The following ZNF292 variants were observed in gnomAD, a reference collection of about 807,000 sequenced individuals.
ZNF292 encodes 16 zinc-finger domain protein.
ZNF292 carries 26 observed loss-of-function variants against 217.9 expected under a neutral mutation model. That is an observed-to-expected ratio of 0.12 (90% CI 0.09 to 0.17). The LOEUF (loss-of-function observed/expected upper bound fraction) is 0.17, where lower values mean the gene tolerates loss of function less well. Ranked by LOEUF, ZNF292 falls within the 10% of genes least tolerant of loss-of-function variation. The pLI is 1.00. For missense variants in ZNF292, 2,904 were observed against 3,175.2 expected (o/e 0.91, Z 2.05); for synonymous variants, 1,257 against 1,124.1 (o/e 1.12, Z -2.37).
At chr6:87,208,082 A>T (rs773137289) in intron 1 of ZNF292, among the ~76,000 whole-genome samples, 74 of 152,212 alleles carry the variant, frequency 4.9e-4, no homozygotes, top group Non-Finnish European at 9.0e-4. Flanking sequence ...CGTTGGATAT[A>T]AATAGTTTCC....
chr6:87,222,037 A>G (rs527305274), intron 4 of ZNF292, among the ~76,000 whole-genome samples: 2 of 152,244 alleles, frequency 1.3e-5, no homozygotes, highest in East Asian at 1.9e-4. Flanking sequence ...ACGTTTGTAT[A>G]CTTTTTCTTT....
intron 1 of ZNF292, among the ~76,000 whole-genome samples, chr6:87,212,672 T>A (rs1772552246): frequency 6.6e-6 from 1 of 152,228 alleles, no homozygotes; most frequent in Non-Finnish European, 1.5e-5. Flanking sequence ...TCCCTTTTGA[T>A]TGAATGGTTG....
chr6:87,193,604 C>T (rs1771878656), intron 1 of ZNF292, among the ~76,000 whole-genome samples: 1 of 152,054 alleles, frequency 6.6e-6, no homozygotes, highest in Admixed American at 6.6e-5. Context: ...AAAAAACAAC[C>T]TGCGCCCTTC....
At chr6:87,235,759 C>G (rs561093002) in intron 5 of ZNF292, among the ~76,000 whole-genome samples, 10 of 152,076 alleles carry the variant, frequency 6.6e-5, no homozygotes, top group African/African-American at 1.9e-4. Context: ...CCCTCCCCCC[C>G]ACTTCTCATG....
chr6:87,163,077 C>T (rs1201488414), intron 1 of ZNF292, among the ~76,000 whole-genome samples: 1 of 152,120 alleles, frequency 6.6e-6, no homozygotes, highest in African/African-American at 2.4e-5. Flanking sequence ...GTTACCTTTT[C>T]CCCCTTGACT....
intron 1 of ZNF292, among the ~76,000 whole-genome samples, chr6:87,184,470 C>CTTT (rs35294887): frequency 0.07 from 8,067 of 114,958 alleles, 472 homozygotes; most frequent in African/African-American, 0.16. Context: ...TTACCATAGG[C>CTTT]TTTTTTTTTT....
At chr6:87,187,907 A>G (rs545008469) in intron 1 of ZNF292, among the ~76,000 whole-genome samples, 8 of 152,008 alleles carry the variant, frequency 5.3e-5, no homozygotes, top group Non-Finnish European at 1.2e-4. Flanking sequence ...GAGAGCTCTT[A>G]CCCTAATTCA....
At position 87,264,666 on chromosome 6, in the gene ZNF292, A is replaced by T. The variant is rs1775756193; in HGVS notation, c.*2865A>T. Among the ~76,000 whole-genome samples the T allele has an allele frequency of 6.6e-6, 1 of 152,206 alleles. No individual in the cohort carries two copies. The highest frequency in any genetic ancestry group is 2.1e-4 in the South Asian group (1 of 4,832). ...GGTAGAGCGTAATTGCGGTATTGCC[A>T]GTGGGCCACTTGGAAAGATAGGAAG... On this transcript the variant is annotated 3_prime_UTR_variant, in exon 8 of 8. Transcript: ENST00000369577.
chr6:87,255,675 T>C lies in ZNF292; in HGVS notation c.2046T>C (p.Asn682=). 6.2e-7 allele frequency: 1 copy of C among 1,613,420 alleles called. No homozygotes were observed. Among genetic ancestry groups the C allele is most frequent in the Non-Finnish European group, 8.5e-7 (1 of 1,179,648 alleles). Residue 682 remains asparagine (N), a synonymous_variant, in exon 8 of 8, where the codon AAT becomes AAC. Transcript: ENST00000369577. The stretch of plus-strand genomic sequence containing the variant: ...AACCAGTACCTGTTAATGAATTTAA[T>C]TGCCCTGTAACTTTTTGTAAAAAGG... ...VQKPVPVNEF[N]CPVTFCKKGF... is the part of the protein sequence containing the mutation.
At chr6:87,238,573 A>G (rs1358766160) in intron 5 of ZNF292, among the ~76,000 whole-genome samples, 3 of 150,532 alleles carry the variant, frequency 2.0e-5, no homozygotes, top group Non-Finnish European at 4.4e-5. Context: ...ATTTGGTACC[A>G]TATGAGCACT....
chr6:87,229,972 T>C (rs73754124), intron 4 of ZNF292, among the ~76,000 whole-genome samples: 1,666 of 151,808 alleles, frequency 0.011, 35 homozygotes, highest in African/African-American at 0.037. Context: ...CTGGGTTGGG[T>C]TGGGTTGGGG....
intron 1 of ZNF292, among the ~76,000 whole-genome samples, chr6:87,211,965 C>G (rs1772506885): frequency 6.6e-6 from 1 of 152,002 alleles, no homozygotes. Context: ...TAACAAAAAC[C>G]ATTGGTTTAA....
At chr6:87,203,343 G>T (rs909083452) in intron 1 of ZNF292, among the ~76,000 whole-genome samples, 1 of 151,422 alleles carries the variant, frequency 6.6e-6, no homozygotes. Context: ...GGGTTTTGCC[G>T]TGTTGCCCAT....
chr6:87,244,572 T>C (rs577456304), intron 6 of ZNF292, among the ~76,000 whole-genome samples: 2 of 152,266 alleles, frequency 1.3e-5, no homozygotes, highest in African/African-American at 2.4e-5. Flanking sequence ...AGATAAGCAG[T>C]TGTGAGTTGA....
Position 87,259,173 on chromosome 6 carries a change from A to G in ZNF292, c.5544A>G (p.Lys1848=), listed in dbSNP as rs900726188. 4 of 1,613,444 alleles carry G rather than the reference A, an allele frequency of 2.5e-6. No individual in the cohort carries two copies. Among genetic ancestry groups the G allele is most frequent in the Non-Finnish European group, 3.4e-6 (4 of 1,179,704 alleles). Residue 1848 remains lysine (K), a synonymous_variant, in exon 8 of 8, where the codon AAA becomes AAG. Transcript: ENST00000369577. Reference sequence around the variant, plus strand: ...TTTTAGAAGGCTTACAGAAATTAAAATTAGAAAATGACCTATCCACTCCAG... The same window carrying G: ...TTTTAGAAGGCTTACAGAAATTAAAGTTAGAAAATGACCTATCCACTCCAG... ...QEILEGLQKL[K]LENDLSTPAS...
chr6:87,199,369 TTATG>T (rs759563068), intron 1 of ZNF292, among the ~76,000 whole-genome samples: 8 of 152,254 alleles, frequency 5.3e-5, no homozygotes, highest in Admixed American at 1.3e-4. Flanking sequence ...TAGTAGTTCT[TTATG>T]TATTCTGGAT....
chr6:87,253,236 T>C (rs914088729), intron 7 of ZNF292, among the ~76,000 whole-genome samples: 1 of 149,194 alleles, frequency 6.7e-6, no homozygotes, highest in Non-Finnish European at 1.5e-5. Context: ...TTTTTTTTTT[T>C]TTTTTTGAGA....
chr6:87,198,515 T>G (rs1460430307), intron 1 of ZNF292, among the ~76,000 whole-genome samples: 1 of 152,240 alleles, frequency 6.6e-6, no homozygotes, highest in African/African-American at 2.4e-5. Context: ...ATTGCATGTT[T>G]ATGTGTTCCA....
intron 4 of ZNF292, among the ~76,000 whole-genome samples, chr6:87,229,783 G>A (rs866560381): frequency 6.6e-6 from 1 of 152,204 alleles, no homozygotes; most frequent in South Asian, 2.1e-4. Context: ...AAAAGGATAA[G>A]TGATCCTTGC....
Sources: allele counts gnomAD v4.1 joint callset (sites outside exome capture counted in the v4.1 genomes callset), GRCh38; gene constraint gnomAD v4.1.1; transcripts MANE v1.5; gene names NCBI Gene and HGNC (gene_info 2026-07-23, HGNC 2026-07-21).